FARS2: variants seen among roughly 807,000 people sequenced by gnomAD.
The protein encoded by FARS2 is phenylalanyl-tRNA synthetase 2, mitochondrial, also known as phenylalanine--tRNA ligase, mitochondrial.
A neutral mutation model predicts 46.4 loss-of-function variants in FARS2; 40 were observed. The ratio of observed to expected loss-of-function variants is 0.86; its 90% CI spans 0.67 to 1.12. FARS2 has a LOEUF of 1.12. FARS2 is among the 50% of genes most tolerant of loss of function. FARS2 has a pLI of 0.00. For synonymous variants in FARS2, 234 were observed against 214.9 expected (o/e 1.09, Z -0.78); for missense variants, 513 against 567.9 (o/e 0.90, Z 0.98).
intron 1 of FARS2, among the ~76,000 whole-genome samples, chr6:5,317,131 A>G (rs1051286224): frequency 2.0e-5 from 3 of 152,228 alleles, no homozygotes; most frequent in Non-Finnish European, 4.4e-5. Context: ...AGAATACTGC[A>G]GGAAATTTTA....
At chr6:5,288,705 C>T (rs1767300134) in intron 1 of FARS2, among the ~76,000 whole-genome samples, 1 of 152,162 alleles carries the variant, frequency 6.6e-6, no homozygotes, top group South Asian at 2.1e-4. Context: ...TCTCATGCAG[C>T]TTCCATTCTT....
At chr6:5,621,089 A>G (rs1380090818) in intron 6 of FARS2, among the ~76,000 whole-genome samples, 1 of 152,118 alleles carries the variant, frequency 6.6e-6, no homozygotes, top group East Asian at 1.9e-4. Context: ...TGGGGTCATA[A>G]GGGTATGGAG....
intron 1 of FARS2, among the ~76,000 whole-genome samples, chr6:5,323,751 GA>G (rs1770147750): frequency 6.6e-6 from 1 of 152,198 alleles, no homozygotes; most frequent in East Asian, 1.9e-4. Flanking sequence ...GTAGTTGACA[GA>G]GCAGGAGTAT....
At position 5,429,944 on chromosome 6, in the gene FARS2, T is replaced by C. The variant is rs187684324; in HGVS notation, c.773-1097T>C. 8.8e-3 allele frequency among the ~76,000 whole-genome samples: 1,334 copies of C among 152,078 alleles called. 9 individuals are homozygous for C. The highest frequency in any genetic ancestry group is 0.014 in the Non-Finnish European group (967 of 67,960). The stretch of plus-strand genomic sequence containing the variant: ...GCAAGACAATTGCCTTTTTTTTTTT[T>C]CCCGAATCTATGAAATGGGTTGGTA... On this transcript the variant is annotated intron_variant, in intron 3 of 6. Coordinates refer to ENST00000274680, the MANE Select transcript of FARS2 (RefSeq NM_006567.5).
At chr6:5,393,604 C>T (rs779990525) in intron 2 of FARS2, among the ~76,000 whole-genome samples, 4 of 152,100 alleles carry the variant, frequency 2.6e-5, no homozygotes, top group African/African-American at 4.8e-5. Context: ...TTGCAGTGAG[C>T]TGAGATCTTG....
intron 5 of FARS2, among the ~76,000 whole-genome samples, chr6:5,550,709 C>T (rs1771321594): frequency 6.6e-6 from 1 of 152,166 alleles, no homozygotes; most frequent in Non-Finnish European, 1.5e-5. Context: ...TTCCAGCTGA[C>T]AGTGTTCCTG....
At chr6:5,523,450 G>A (rs1769269063) in intron 4 of FARS2, among the ~76,000 whole-genome samples, 1 of 150,986 alleles carries the variant, frequency 6.6e-6, no homozygotes, top group South Asian at 2.1e-4. Context: ...GAGTGCTTTG[G>A]TGGATTTCTT....
chr6:5,761,886 A>G (rs893984191), intron 6 of FARS2, among the ~76,000 whole-genome samples: 1 of 151,922 alleles, frequency 6.6e-6, no homozygotes, highest in Admixed American at 6.5e-5. Flanking sequence ...AATCATGAAG[A>G]TGCTCCATCC....
intron 6 of FARS2, among the ~76,000 whole-genome samples, chr6:5,684,235 A>G (rs1779182725): frequency 6.6e-6 from 1 of 152,112 alleles, no homozygotes; most frequent in African/African-American, 2.4e-5. Flanking sequence ...GGGTCCTCAG[A>G]GGACCATCCC....
intron 6 of FARS2, among the ~76,000 whole-genome samples, chr6:5,700,153 G>A (rs1273549323): frequency 2.6e-5 from 4 of 152,094 alleles, no homozygotes; most frequent in South Asian, 2.1e-4. Flanking sequence ...AAAATGCCAC[G>A]GCTACAAGTC....
intron 4 of FARS2, among the ~76,000 whole-genome samples, chr6:5,508,956 A>C (rs1031307244): frequency 6.6e-6 from 1 of 152,242 alleles, no homozygotes; most frequent in Non-Finnish European, 1.5e-5. Flanking sequence ...TAAAGGACCA[A>C]ATAGTAAACA....
chr6:5,589,083 C>T (rs4960109), intron 5 of FARS2, among the ~76,000 whole-genome samples: 82,715 of 152,060 alleles, frequency 0.54, 22,644 homozygotes, highest in Non-Finnish European at 0.59. Context: ...TGTTTCTCAG[C>T]TTCTCAAGGA....
intron 2 of FARS2, among the ~76,000 whole-genome samples, chr6:5,384,342 A>G (rs1759983583): frequency 6.6e-6 from 1 of 152,216 alleles, no homozygotes. Context: ...AAATGGCCAG[A>G]TTTCCAAAAT....
rs1176917897 is a variant in FARS2 at position 5,593,041 on chromosome 6, A to G, written c.1066-20128A>G. Reference sequence around the variant, plus strand: ...TCCCTCTGGCCCTCACCCTCCTCCCATCTCTGCTTTCTGCCTTATCTCCTT... The same window carrying G: ...TCCCTCTGGCCCTCACCCTCCTCCCGTCTCTGCTTTCTGCCTTATCTCCTT... On this transcript the variant is annotated intron_variant, in intron 5 of 6. Transcript: ENST00000274680. 2.6e-5 allele frequency among the ~76,000 whole-genome samples: 4 copies of G among 151,894 alleles called. No individual in the cohort carries two copies. In the South Asian group the frequency reaches 8.3e-4, roughly 32 times the overall value.
At chr6:5,267,882 A>G (rs1765659132) in intron 1 of FARS2, among the ~76,000 whole-genome samples, 2 of 151,976 alleles carry the variant, frequency 1.3e-5, no homozygotes, top group Non-Finnish European at 2.9e-5. Flanking sequence ...CTGACTTTTT[A>G]ATGATCGCCA....
intron 1 of FARS2, among the ~76,000 whole-genome samples, chr6:5,306,667 C>T (rs770536727): frequency 6.6e-6 from 1 of 152,170 alleles, no homozygotes; most frequent in African/African-American, 2.4e-5. Context: ...ATGTAAGCCA[C>T]TTTCTTTCTG....
intron 4 of FARS2, among the ~76,000 whole-genome samples, chr6:5,438,386 C>G (rs1164193818): frequency 4.7e-5 from 7 of 149,404 alleles, no homozygotes; most frequent in Non-Finnish European, 1.0e-4. Flanking sequence ...TTTTTTTAAT[C>G]TTTGTCTTTC....
chr6:5,438,305 T>C (rs891838087), intron 4 of FARS2, among the ~76,000 whole-genome samples: 7 of 139,672 alleles, frequency 5.0e-5, no homozygotes, highest in Non-Finnish European at 1.1e-4. Context: ...GGTATGGTTT[T>C]CTTTTATCTC....
chr6:5,731,970 G>A (rs748184659), intron 6 of FARS2, among the ~76,000 whole-genome samples: 7 of 152,076 alleles, frequency 4.6e-5, no homozygotes, highest in Admixed American at 1.3e-4. Context: ...AGCCGCACCT[G>A]GCCCCCACAC....
Sources: allele counts gnomAD v4.1 joint callset (sites outside exome capture counted in the v4.1 genomes callset), GRCh38; gene constraint gnomAD v4.1.1; transcripts MANE v1.5; gene names NCBI Gene and HGNC (gene_info 2026-07-23, HGNC 2026-07-21).